Variants in LHFPL6 observed in about 807,000 individuals in gnomAD.
LHFPL6 encodes LHFPL tetraspan subfamily member 6 protein.
LHFPL6 carries 9 observed loss-of-function variants against 20.6 expected under a neutral mutation model. That is an observed-to-expected ratio of 0.44 (90% CI 0.26 to 0.76). The LOEUF (loss-of-function observed/expected upper bound fraction) is 0.76, where lower values mean the gene tolerates loss of function less well. LHFPL6 is among the 30% of genes least tolerant of loss of function. The pLI, the probability that LHFPL6 is intolerant of heterozygous loss-of-function variation, is 0.20. For synonymous variants in LHFPL6, 105 were observed against 98.7 expected (o/e 1.06, Z -0.38); for missense variants, 218 against 253.5 (o/e 0.86, Z 0.95).
At chr13:39,548,043 G>A (rs1045195280) in intron 2 of LHFPL6, among the ~76,000 whole-genome samples, 1 of 151,974 alleles carries the variant, frequency 6.6e-6, no homozygotes, top group Non-Finnish European at 1.5e-5. Flanking sequence ...ATTGTTCTAC[G>A]TCAAAGACAA....
chr13:39,344,126 T>G (rs142512913), intron 3 of LHFPL6, 72 bp from the exon 4 acceptor site: 1,961 of 1,233,520 alleles, frequency 1.6e-3, no homozygotes, highest in Non-Finnish European at 2.1e-3. Flanking sequence ...TCTTATTGCT[T>G]CCAGTGTGTG....
intron 2 of LHFPL6, among the ~76,000 whole-genome samples, chr13:39,510,871 A>ATT (rs141534067): frequency 1.1e-4 from 12 of 107,356 alleles, no homozygotes; most frequent in East Asian, 3.7e-4. Flanking sequence ...CATTACTTTA[A>ATT]ATTTTTTTTT....
chr13:39,551,787 T>C (rs897684506), intron 2 of LHFPL6, among the ~76,000 whole-genome samples: 3 of 152,228 alleles, frequency 2.0e-5, no homozygotes, highest in Non-Finnish European at 2.9e-5. Flanking sequence ...TTAGTTTTTA[T>C]TTCTGGCATC....
chr13:39,418,207 A>T (rs765932441), intron 2 of LHFPL6, among the ~76,000 whole-genome samples: 7 of 152,204 alleles, frequency 4.6e-5, no homozygotes, highest in East Asian at 1.9e-4. Context: ...TAGTATGCCA[A>T]ATTAGCTGCT....
At chr13:39,419,420 T>C (rs988614187) in intron 2 of LHFPL6, among the ~76,000 whole-genome samples, 8 of 152,322 alleles carry the variant, frequency 5.3e-5, no homozygotes, top group South Asian at 2.1e-4. Flanking sequence ...TTGGATGAAA[T>C]GGTTTCAAAA....
Position 39,570,243 on chromosome 13 carries a change from GC to G in LHFPL6, c.385+30588del, listed in dbSNP as rs777541462. Among the ~76,000 whole-genome samples the G allele has an allele frequency of 5.5e-4, 84 of 152,212 alleles. 1 individual carries two copies. Among genetic ancestry groups the G allele is most frequent in the Non-Finnish European group, 3.4e-4 (23 of 68,010 alleles). ...TGTAACCTGGAACTCCTGGATTCAG[GC>G]AATCTCTCATCTCAGCCTCCTGAAT... On this transcript the variant is annotated intron_variant, in intron 2 of 3. Coordinates refer to ENST00000379589, the MANE Select transcript of LHFPL6 (RefSeq NM_005780.3).
chr13:39,351,186 TAAG>T (rs1328086938), intron 3 of LHFPL6, among the ~76,000 whole-genome samples: 1 of 152,216 alleles, frequency 6.6e-6, no homozygotes, highest in Non-Finnish European at 1.5e-5. Context: ...ATACTTGTGC[TAAG>T]AATAGAAATA....
intron 3 of LHFPL6, among the ~76,000 whole-genome samples, chr13:39,370,666 A>G (rs1333699719): frequency 1.3e-5 from 2 of 152,228 alleles, no homozygotes; most frequent in Non-Finnish European, 2.9e-5. Context: ...TTGAGTCAGG[A>G]GAACCCTGCT....
intron 2 of LHFPL6, among the ~76,000 whole-genome samples, chr13:39,430,881 G>A (rs1302830080): frequency 6.6e-6 from 1 of 152,216 alleles, no homozygotes; most frequent in Non-Finnish European, 1.5e-5. Context: ...GGTTATCCAA[G>A]CCAGCAGCGG....
chr13:39,461,575 A>C (rs1031577962), intron 2 of LHFPL6, among the ~76,000 whole-genome samples: 14 of 151,952 alleles, frequency 9.2e-5, no homozygotes, highest in African/African-American at 3.4e-4. Flanking sequence ...ACAAATCATC[A>C]CCCCTTAAGC....
chr13:39,523,305 C>CA (rs551646201), intron 2 of LHFPL6, among the ~76,000 whole-genome samples: 3 of 152,158 alleles, frequency 2.0e-5, no homozygotes, highest in Non-Finnish European at 4.4e-5. Flanking sequence ...CGCGGTGGCT[C>CA]ACGCCTGTAA....
At chr13:39,562,409 C>T (rs58218113) in intron 2 of LHFPL6, among the ~76,000 whole-genome samples, 56,781 of 101,508 alleles carry the variant, frequency 0.56, 15,471 homozygotes, top group African/African-American at 0.69. Flanking sequence ...CATATATACA[C>T]ATATACACAT....
In LHFPL6 at chr13:39,571,364, A is replaced by G. The variant is rs184858755; in HGVS notation, c.385+29468T>C. On this transcript the variant is annotated intron_variant, in intron 2 of 3. Coordinates refer to ENST00000379589, the MANE Select transcript of LHFPL6 (RefSeq NM_005780.3). ...TACCCTTTCCTAATTGGTCTTCTACACCGTCATATCCAACTTTGAGTGGTG... is the reference window on the plus strand; with the variant it reads ...TACCCTTTCCTAATTGGTCTTCTACGCCGTCATATCCAACTTTGAGTGGTG... Among the ~76,000 whole-genome samples the G allele has an allele frequency of 5.3e-3, 811 of 152,256 alleles. 4 individuals are homozygous for G. The highest frequency in any genetic ancestry group is 0.019 in the African/African-American group (781 of 41,548).
intron 2 of LHFPL6, among the ~76,000 whole-genome samples, chr13:39,569,126 CACGGATGGATGGATGGATGGATGGACGG>C (rs1161659699): frequency 1.8e-5 from 2 of 112,582 alleles, no homozygotes; most frequent in Admixed American, 1.7e-4. Flanking sequence ...GCTTAGTAAA[CACGGATGGATGGATGGATGGATGGACGG>C]ACGGATGGAT....
Position 39,381,789 on chromosome 13 carries a change from C to T in LHFPL6, c.386-3263G>A, listed in dbSNP as rs74044042. 7.3e-4 allele frequency among the ~76,000 whole-genome samples: 110 copies of T among 149,676 alleles called. 1 individual carries two copies. The highest frequency in any genetic ancestry group is 2.5e-3 in the African/African-American group (101 of 40,296). ...CAGAATCATGGCAGATTCAGAGAGA[C>T]TCCCGGGATACCTTCTGGTCAGAGC... On this transcript the variant is annotated intron_variant, in intron 2 of 3. Coordinates refer to ENST00000379589, the MANE Select transcript of LHFPL6 (RefSeq NM_005780.3).
At chr13:39,493,708 C>T (rs531485622) in intron 2 of LHFPL6, among the ~76,000 whole-genome samples, 18 of 152,234 alleles carry the variant, frequency 1.2e-4, no homozygotes, top group African/African-American at 4.1e-4. Context: ...ATATGAAATG[C>T]TCTATAATAG....
chr13:39,543,611 C>G (rs2324334), intron 2 of LHFPL6, among the ~76,000 whole-genome samples: 57,124 of 149,998 alleles, frequency 0.38, 11,093 homozygotes, highest in Admixed American at 0.48. Flanking sequence ...ATCTGGCCCC[C>G]CGCAGACAAA....
intron 2 of LHFPL6, among the ~76,000 whole-genome samples, chr13:39,487,222 C>T (rs1183433003): frequency 6.6e-6 from 1 of 152,162 alleles, no homozygotes; most frequent in Non-Finnish European, 1.5e-5. Context: ...GGCAATATTA[C>T]ATACCCCTCC....
chr13:39,574,945 C>A (rs1405622025), intron 2 of LHFPL6, among the ~76,000 whole-genome samples: 1 of 152,142 alleles, frequency 6.6e-6, no homozygotes, highest in Non-Finnish European at 1.5e-5. Context: ...GTGGTGCACG[C>A]CGGTAATCCC....
Sources: allele counts gnomAD v4.1 joint callset (sites outside exome capture counted in the v4.1 genomes callset), GRCh38; gene constraint gnomAD v4.1.1; transcripts MANE v1.5; gene names NCBI Gene and HGNC (gene_info 2026-07-23, HGNC 2026-07-21).